PLCG2: variants seen among roughly 807,000 people sequenced by gnomAD.
The protein encoded by PLCG2 is phospholipase C gamma 2.
PLCG2 carries 69 observed loss-of-function variants against 175.6 expected under a neutral mutation model. The ratio of observed to expected loss-of-function variants is 0.39; its 90% CI spans 0.32 to 0.48. PLCG2 has a LOEUF of 0.48. PLCG2 is among the 20% of genes least tolerant of loss of function. The pLI is 0.91. For missense variants in PLCG2, 1,798 were observed against 1,650.9 expected (o/e 1.09, Z -1.54); for synonymous variants, 827 against 624.0 (o/e 1.33, Z -4.85).
chr16:81,774,471 C>T (rs1047844762), upstream of PLCG2, among the ~76,000 whole-genome samples: 1 of 152,236 alleles, frequency 6.6e-6, no homozygotes. Context: ...AAAGCCCATT[C>T]TGGGTGGTAC....
At chr16:81,872,244 C>T (rs1164915920) in intron 7 of PLCG2, among the ~76,000 whole-genome samples, 1 of 152,164 alleles carries the variant, frequency 6.6e-6, no homozygotes, top group African/African-American at 2.4e-5. Flanking sequence ...AGGAGAATCA[C>T]TTGAACCTGG....
intron 2 of PLCG2, among the ~76,000 whole-genome samples, chr16:81,822,385 A>G (rs1235260901): frequency 6.6e-6 from 1 of 152,148 alleles, no homozygotes; most frequent in East Asian, 1.9e-4. Flanking sequence ...TTGCAGATGA[A>G]ATTAAGTGAA....
At chr16:81,937,051 C>G (rs1310574215) in intron 27 of PLCG2, among the ~76,000 whole-genome samples, 1 of 152,198 alleles carries the variant, frequency 6.6e-6, no homozygotes, top group South Asian at 2.1e-4. Context: ...GGACAGAATT[C>G]TCAGAAAGGC....
chr16:81,763,290 G>T (rs757820337), intron 2 of PLCG2, among the ~76,000 whole-genome samples: 7 of 152,180 alleles, frequency 4.6e-5, no homozygotes, highest in Non-Finnish European at 8.8e-5. Flanking sequence ...ATCCATTGCT[G>T]CATAACAGAT....
intron 19 of PLCG2, 140 bp downstream of exon 19, chr16:81,912,856 A>G: frequency 9.3e-7 from 1 of 1,080,018 alleles, no homozygotes. Flanking sequence ...CAACCACCAC[A>G]GCAAAAGCCG....
At chr16:81,805,989 G>T (rs1912004504) in intron 2 of PLCG2, among the ~76,000 whole-genome samples, 1 of 151,792 alleles carries the variant, frequency 6.6e-6, no homozygotes, top group South Asian at 2.1e-4. Flanking sequence ...AAGGTAAAAA[G>T]AGGTGAAACT....
Position 81,786,191 on chromosome 16 carries a change from T to C in PLCG2, c.193+9T>C. The C allele has an allele frequency of 6.2e-7, 1 of 1,612,188 alleles. No homozygotes were observed. Among genetic ancestry groups the C allele is most frequent in the Non-Finnish European group, 8.5e-7 (1 of 1,178,966 alleles). ...CAAGATCGAGGGCTTCTGTGAGTAC[T>C]CGCTGGGTGGGGCAGTGTGGCCCGT... On this transcript the variant is annotated intron_variant, in intron 2 of 32. Transcript: ENST00000564138.
chr16:81,825,349 C>T (rs1214766435), intron 2 of PLCG2, among the ~76,000 whole-genome samples: 1 of 140,862 alleles, frequency 7.1e-6, no homozygotes, highest in East Asian at 2.1e-4. Flanking sequence ...AGTGCAATGG[C>T]ATGATCACAG....
At chr16:81,951,014 G>GT (rs1911344578) in intron 31 of PLCG2, among the ~76,000 whole-genome samples, 1 of 151,668 alleles carries the variant, frequency 6.6e-6, no homozygotes, top group South Asian at 2.1e-4. Flanking sequence ...TTGAGACAGT[G>GT]TTTTTTTCTG....
chr16:81,867,859 GGC>G (rs1567506937), intron 5 of PLCG2, among the ~76,000 whole-genome samples: 3 of 152,142 alleles, frequency 2.0e-5, no homozygotes, highest in Admixed American at 1.3e-4. Context: ...TACCATGCCT[GGC>G]TAATTTTTTT....
chr16:81,859,369 A>G, intron 5 of PLCG2: 2 of 534,122 alleles, frequency 3.7e-6, no homozygotes, highest in East Asian at 6.2e-5. Context: ...AGAAAATTCA[A>G]GTACAGCCTC....
At chr16:81,932,609 A>AT (rs1392221979) in intron 25 of PLCG2, among the ~76,000 whole-genome samples, 1 of 152,024 alleles carries the variant, frequency 6.6e-6, no homozygotes, top group East Asian at 1.9e-4. Flanking sequence ...TGGCCAGGTC[A>AT]TTTTTTTCCC....
intron 13 of PLCG2, among the ~76,000 whole-genome samples, chr16:81,897,207 T>A (rs1336481394): frequency 1.3e-5 from 2 of 152,230 alleles, no homozygotes; most frequent in Non-Finnish European, 2.9e-5. Flanking sequence ...TCCTTGTTAT[T>A]TCTGAGAGCT....
chr16:81,911,593 C>T (rs1166196570), intron 18 of PLCG2, among the ~76,000 whole-genome samples: 1 of 88,808 alleles, frequency 1.1e-5, no homozygotes, highest in Non-Finnish European at 2.2e-5. Context: ...GCCACTGTGC[C>T]CAGCTAATTA....
intron 2 of PLCG2, among the ~76,000 whole-genome samples, chr16:81,821,117 C>G (rs1046194640): frequency 2.6e-5 from 4 of 152,244 alleles, no homozygotes; most frequent in African/African-American, 9.6e-5. Context: ...GTCTAGAACT[C>G]CTGATGTCAA....
rs1387442730 is a variant in PLCG2 at position 81,959,855 on chromosome 16, T to C, written c.*1857T>C. On this transcript the variant is annotated 3_prime_UTR_variant, in exon 33 of 33. Transcript: ENST00000564138. ...GGACTTCCACACAGCAGAGCTCAGGTGTTGCTGTCATTACCTCCTTTCAGC... is the reference window on the plus strand; with the variant it reads ...GGACTTCCACACAGCAGAGCTCAGGCGTTGCTGTCATTACCTCCTTTCAGC... The C allele has an allele frequency of 5.4e-6, 1 of 186,850 alleles. No homozygotes were observed. 11.6% of individuals were successfully genotyped at this position (186,850 alleles called of 1,614,324 possible).
At chr16:81,819,745 T>C (rs1824902872) in intron 2 of PLCG2, among the ~76,000 whole-genome samples, 7 of 152,118 alleles carry the variant, frequency 4.6e-5, no homozygotes, top group Admixed American at 4.6e-4. Context: ...CCACCATGCC[T>C]GGCTAATTTT....
At chr16:81,801,413 A>C (rs1911711352) in intron 2 of PLCG2, among the ~76,000 whole-genome samples, 1 of 152,162 alleles carries the variant, frequency 6.6e-6, no homozygotes, top group South Asian at 2.1e-4. Flanking sequence ...TCCCTCAAGC[A>C]ACTTGCATGT....
At chr16:81,827,085 C>T (rs111931465) in intron 2 of PLCG2, among the ~76,000 whole-genome samples, 66 of 152,292 alleles carry the variant, frequency 4.3e-4, no homozygotes, top group African/African-American at 1.5e-3. Context: ...CCTAGGGCTG[C>T]ATGTCCTTGT....
Sources: allele counts gnomAD v4.1 joint callset (sites outside exome capture counted in the v4.1 genomes callset), GRCh38; gene constraint gnomAD v4.1.1; transcripts MANE v1.5; gene names NCBI Gene and HGNC (gene_info 2026-07-23, HGNC 2026-07-21).